GABBR2: variants seen among roughly 807,000 people sequenced by gnomAD.
GABBR2 encodes G-protein coupled receptor 51.
In GABBR2, 23 loss-of-function variants were observed where a neutral mutation model predicts 105.6. The ratio of observed to expected loss-of-function variants is 0.22; its 90% confidence interval spans 0.16 to 0.31. The LOEUF is 0.31. Ranked by LOEUF, GABBR2 falls within the 10% of genes least tolerant of loss-of-function variation. The probability of loss-of-function intolerance (pLI) is 1.00; values close to 1 mark genes in which losing one functional copy is unlikely to be tolerated. For synonymous variants in GABBR2, 478 were observed against 499.7 expected (o/e 0.96, Z 0.58); for missense variants, 734 against 1,245.5 (o/e 0.59, Z 6.18).
chr9:98,606,165 G>A (rs1283737805), intron 1 of GABBR2, among the ~76,000 whole-genome samples: 1 of 152,200 alleles, frequency 6.6e-6, no homozygotes, highest in African/African-American at 2.4e-5. Context: ...TCTTAATCCA[G>A]TGTATCATTG....
intron 1 of GABBR2, among the ~76,000 whole-genome samples, chr9:98,611,226 A>G (rs1423733955): frequency 1.3e-5 from 2 of 152,106 alleles, no homozygotes; most frequent in Admixed American, 6.5e-5. Flanking sequence ...CCTGCCCTGT[A>G]AGGCCCTCTG....
intron 13 of GABBR2, among the ~76,000 whole-genome samples, chr9:98,344,266 G>C (rs915357960): frequency 6.6e-6 from 1 of 152,118 alleles, no homozygotes; most frequent in African/African-American, 2.4e-5. Flanking sequence ...CTTCAGATCC[G>C]TATGTCCAAC....
intron 1 of GABBR2, among the ~76,000 whole-genome samples, chr9:98,589,489 C>T (rs189329149): frequency 1.3e-5 from 2 of 152,274 alleles, no homozygotes; most frequent in South Asian, 2.1e-4. Context: ...TCCTTAAACG[C>T]CTGCTGTAAG....
chr9:98,583,537 C>A (rs1253832760), intron 1 of GABBR2, among the ~76,000 whole-genome samples: 1 of 152,216 alleles, frequency 6.6e-6, no homozygotes, highest in African/African-American at 2.4e-5. Flanking sequence ...TTGAAAACCA[C>A]CAATATGACC....
chr9:98,331,019 G>C (rs1404950005), intron 13 of GABBR2, among the ~76,000 whole-genome samples: 1 of 152,006 alleles, frequency 6.6e-6, no homozygotes, highest in Non-Finnish European at 1.5e-5. Flanking sequence ...TTTTGCGTCT[G>C]GCTTCTTTCA....
chr9:98,553,090 C>T (rs76712610), intron 2 of GABBR2, among the ~76,000 whole-genome samples: 11,104 of 151,760 alleles, frequency 0.073, 808 homozygotes, highest in African/African-American at 0.19. Flanking sequence ...CGCTATTTTG[C>T]CCAGGCTGGT....
intron 13 of GABBR2, among the ~76,000 whole-genome samples, chr9:98,354,046 C>T (rs998267962): frequency 3.9e-5 from 6 of 152,222 alleles, no homozygotes; most frequent in African/African-American, 7.2e-5. Context: ...TACCCAGTCT[C>T]AGGTATTTCT....
chr9:98,425,310 C>T (rs1467910524), intron 7 of GABBR2, among the ~76,000 whole-genome samples: 2 of 152,124 alleles, frequency 1.3e-5, no homozygotes, highest in African/African-American at 4.8e-5. Context: ...TGACTGAAAG[C>T]AACTAAATTC....
chr9:98,550,111 T>G (rs1043102984), intron 2 of GABBR2, among the ~76,000 whole-genome samples: 4 of 152,120 alleles, frequency 2.6e-5, no homozygotes, highest in Admixed American at 1.3e-4. Context: ...GTATACAAAT[T>G]TAGTATAACT....
At chr9:98,685,157 C>T (rs1830604636) in intron 1 of GABBR2, among the ~76,000 whole-genome samples, 1 of 152,244 alleles carries the variant, frequency 6.6e-6, no homozygotes, top group Non-Finnish European at 1.5e-5. Context: ...GCTGAGTCTT[C>T]TGGCCTCCAT....
intron 5 of GABBR2, among the ~76,000 whole-genome samples, chr9:98,480,172 C>A (rs1175668562): frequency 1.3e-5 from 2 of 152,138 alleles, no homozygotes; most frequent in African/African-American, 4.8e-5. Context: ...GACTCACCTG[C>A]CTGGGCTTTC....
chr9:98,455,377 G>A (rs1343945532), intron 6 of GABBR2, among the ~76,000 whole-genome samples: 1 of 152,096 alleles, frequency 6.6e-6, no homozygotes, highest in Non-Finnish European at 1.5e-5. Context: ...ATGTCATCAG[G>A]GCCCACGGCT....
chr9:98,549,729 C>G (rs1828453841), intron 2 of GABBR2, among the ~76,000 whole-genome samples: 1 of 152,218 alleles, frequency 6.6e-6, no homozygotes, highest in Non-Finnish European at 1.5e-5. Flanking sequence ...CACCAGCATT[C>G]TCTTTGTTTT....
At chr9:98,542,144 G>C in intron 2 of GABBR2, 101 bp from the exon 3 acceptor site, 4 of 907,656 alleles carry the variant, frequency 4.4e-6, no homozygotes, top group Non-Finnish European at 6.8e-6. Flanking sequence ...TCAACTTAGA[G>C]CATAAACACA....
At chr9:98,529,618 A>C (rs1692073851) in intron 3 of GABBR2, among the ~76,000 whole-genome samples, 1 of 152,220 alleles carries the variant, frequency 6.6e-6, no homozygotes. Context: ...ATTACAATTA[A>C]AAAACAATAA....
At chr9:98,413,636 G>A (rs964034890) in intron 7 of GABBR2, among the ~76,000 whole-genome samples, 3 of 152,200 alleles carry the variant, frequency 2.0e-5, no homozygotes, top group Non-Finnish European at 4.4e-5. Flanking sequence ...TGGGAGGTGG[G>A]GTCTGTCCCA....
At chr9:98,643,080 A>T (rs1588265786) in intron 1 of GABBR2, among the ~76,000 whole-genome samples, 1 of 152,368 alleles carries the variant, frequency 6.6e-6, no homozygotes, top group East Asian at 1.9e-4. Flanking sequence ...ATGAAGTGGA[A>T]AAGTGAAGCA....
intron 1 of GABBR2, among the ~76,000 whole-genome samples, chr9:98,593,858 A>C (rs922155103): frequency 6.6e-6 from 1 of 152,058 alleles, no homozygotes; most frequent in Non-Finnish European, 1.5e-5. Flanking sequence ...AGCTGGAGTT[A>C]ATTATGTGCC....
chr9:98,687,703 G>A (rs993730627), intron 1 of GABBR2, among the ~76,000 whole-genome samples: 3 of 152,094 alleles, frequency 2.0e-5, no homozygotes, highest in African/African-American at 4.8e-5. Flanking sequence ...CCTACAACCC[G>A]GTCTGGCACC....
Sources: gnomAD v4.1 joint callset for allele counts (sites outside exome capture counted in the v4.1 genomes callset) on GRCh38, gnomAD v4.1.1 for gene constraint, MANE v1.5 for transcripts, NCBI Gene and HGNC (gene_info 2026-07-23, HGNC 2026-07-21) for gene names.